Variants in DST observed in about 807,000 individuals in gnomAD.
DST encodes the protein dystonin, also known as bullous pemphigoid antigen.
DST carries 253 observed loss-of-function variants against 875.2 expected under a neutral mutation model. The ratio of observed to expected loss-of-function variants is 0.29; its 90% CI spans 0.26 to 0.32. DST has a LOEUF of 0.32. Ranked by LOEUF, DST falls within the 10% of genes least tolerant of loss-of-function variation. The pLI is 1.00. For synonymous variants in DST, 3,124 were observed against 3,197.1 expected, an observed-to-expected ratio of 0.98 and a Z score of 0.77; for missense variants, 8,287 against 9,111.6, an observed-to-expected ratio of 0.91 and a Z score of 3.68.
chr6:56,591,926 G>A (rs1426008664), intron 49 of DST, among the ~76,000 whole-genome samples: 4 of 143,416 alleles, frequency 2.8e-5, no homozygotes, highest in African/African-American at 1.1e-4. Flanking sequence ...CAGTTGCCGT[G>A]AGCTGAGATC....
rs776953508 is a variant in DST, at chr6:56,628,026, G to C, written c.4611C>G (p.Thr1537=). Residue 1537 remains threonine (T), a synonymous_variant, in exon 33 of 104, where the codon ACC becomes ACG. Transcript: ENST00000680361. ...TCTGTTGATTCAACTGTGTGGCTAG[G>C]GTTTTACTATTTTCAGGCTGATTTT... The part of the protein sequence containing the change: ...IQENQPENSK[T]LATQLNQQKM... 1.2e-6 allele frequency: 2 copies of C among 1,613,794 alleles called. No homozygotes were observed. The highest frequency in any genetic ancestry group is 1.7e-6 in the Non-Finnish European group (2 of 1,179,788).
intron 72 of DST, among the ~76,000 whole-genome samples, chr6:56,511,937 C>A (rs2096485882): frequency 6.6e-6 from 1 of 151,860 alleles, no homozygotes; most frequent in African/African-American, 2.4e-5. Context: ...GAGACAAAAC[C>A]TCAAGATAAG....
chr6:56,923,206 C>A (rs17450853), intron 2 of DST, among the ~76,000 whole-genome samples: 29,298 of 151,620 alleles, frequency 0.19, 3,011 homozygotes, highest in Middle Eastern at 0.26. Flanking sequence ...CAATAGGTAC[C>A]TCAAAAATTC....
chr6:56,542,406 A>G (rs1033674118), intron 61 of DST: 2 of 142,096 alleles, frequency 1.4e-5, no homozygotes, highest in Non-Finnish European at 3.0e-5. Flanking sequence ...AACAGAAAGC[A>G]TGGTGTACTA....
chr6:56,483,270 T>C (rs1031648345), intron 88 of DST, among the ~76,000 whole-genome samples: 4 of 152,326 alleles, frequency 2.6e-5, no homozygotes, highest in African/African-American at 9.6e-5. Context: ...CTAGTGTGAA[T>C]GTCAAGTGGA....
At chr6:56,731,279 A>C (rs2099496973) in intron 5 of DST, among the ~76,000 whole-genome samples, 1 of 152,202 alleles carries the variant, frequency 6.6e-6, no homozygotes, top group South Asian at 2.1e-4. Context: ...AGATTAAGAA[A>C]CAGGGTCACA....
At chr6:56,905,041 G>T (rs1795774262) in intron 2 of DST, among the ~76,000 whole-genome samples, 1 of 152,172 alleles carries the variant, frequency 6.6e-6, no homozygotes, top group Non-Finnish European at 1.5e-5. Flanking sequence ...GCCCACCTCG[G>T]CCTCCCAAAG....
intron 53 of DST, among the ~76,000 whole-genome samples, chr6:56,571,538 T>C (rs1032802662): frequency 6.6e-6 from 1 of 152,180 alleles, no homozygotes; most frequent in Non-Finnish European, 1.5e-5. Context: ...TAAACTAACG[T>C]GAGATCAGAA....
Position 56,618,252 on chromosome 6 carries a change from G to A in DST, c.4930-3768C>T, listed in dbSNP as rs773099840. On this transcript the variant is annotated intron_variant, in intron 36 of 103. Transcript: ENST00000680361. ...TCTTTGGGTATCTGTTCAACAACCC[G>A]ATGCTGCCACTTCTCTTCCAATGGC... 9.3e-6 allele frequency: 15 copies of A among 1,613,972 alleles called. No homozygotes were observed. Among genetic ancestry groups the A allele is most frequent in the African/African-American group, 5.3e-5 (4 of 74,896 alleles).
chr6:56,486,744 G>A (rs561189175), intron 87 of DST, among the ~76,000 whole-genome samples: 2 of 151,864 alleles, frequency 1.3e-5, no homozygotes, highest in South Asian at 4.2e-4. Context: ...GTGAAGGAGG[G>A]GAATGACAAG....
At chr6:56,725,804 C>T (rs2099453147) in intron 5 of DST, among the ~76,000 whole-genome samples, 1 of 152,130 alleles carries the variant, frequency 6.6e-6, no homozygotes, top group South Asian at 2.1e-4. Flanking sequence ...CTAAGAATGA[C>T]TTATGAAAGC....
rs2098475168 is a variant in DST, at chr6:56,604,376, A to G, written c.10252T>C (p.Ser3418Pro). The change falls in exon 40 of 104, where the codon TCC (serine) becomes CCC (proline). Residue 3418 changes from serine (S) to proline (P), a missense_variant. This residue lies in a region of DST where 3,138 missense variants were observed against 3,116.6 expected (regional missense o/e 1.01). Coordinates refer to ENST00000680361, the MANE Select transcript of DST (RefSeq NM_001374736.1). ...AGTTCTGATGAGTTAGTCATGGGGG[A>G]AACTCCAGAAGAGTCACTCATTTGA... ...DSQMSDSSGV[S>P]PMTNSSELKP... is the part of the protein sequence containing the mutation. 6.2e-7 allele frequency: 1 copy of G among 1,612,008 alleles called. No homozygotes were observed. Among genetic ancestry groups the G allele is most frequent in the Admixed American group, 1.7e-5 (1 of 59,736 alleles).
intron 2 of DST, among the ~76,000 whole-genome samples, chr6:56,940,038 T>G (rs745746187): frequency 2.0e-5 from 3 of 151,918 alleles, no homozygotes; most frequent in Admixed American, 2.0e-4. Flanking sequence ...AAAAAAAAAT[T>G]TTATATAAAT....
chr6:56,842,062 G>T (rs772523822), intron 4 of DST, among the ~76,000 whole-genome samples: 33 of 151,458 alleles, frequency 2.2e-4, no homozygotes, highest in Non-Finnish European at 2.5e-4. Flanking sequence ...TTGGGGCTTT[G>T]GAATTTTATT....
At chr6:56,871,269 A>G (rs1776961217) in intron 3 of DST, 1 of 779,438 alleles carries the variant, frequency 1.3e-6, no homozygotes, top group Admixed American at 1.7e-5. Flanking sequence ...TGTTCACTTT[A>G]AGAACACTCG....
intron 3 of DST, among the ~76,000 whole-genome samples, chr6:56,879,895 G>A (rs777249164): frequency 5.3e-5 from 8 of 152,212 alleles, no homozygotes; most frequent in Non-Finnish European, 1.2e-4. Context: ...GCCCCTCCAT[G>A]ATAGTGCTTA....
chr6:56,840,535 C>T (rs1174810779), intron 4 of DST, among the ~76,000 whole-genome samples: 1 of 152,054 alleles, frequency 6.6e-6, no homozygotes, highest in African/African-American at 2.4e-5. Flanking sequence ...TAACAGGACT[C>T]GAATATGAAT....
chr6:56,532,459 G>C lies in DST; in HGVS notation c.16993C>G (p.Arg5665Gly), dbSNP rs1028738405. The part of the protein sequence containing the change: ...DRKSTVEVIK[R>G]EGEKIATTAE... ...GTTGTAGCAATTTTTTCTCCTTCTC[G>C]TTTGATTACCTCCACCGTAGATTTT... The change falls in exon 64 of 104, where the codon CGA becomes GGA. Residue 5665 changes from arginine to glycine, a missense_variant. By Grantham distance (125) the Arg-to-Gly change is moderately radical. Coordinates refer to ENST00000680361, the MANE Select transcript of DST (RefSeq NM_001374736.1). 13 of 1,610,486 alleles carry C rather than the reference G, an allele frequency of 8.1e-6. No individual in the cohort carries two copies. Among genetic ancestry groups the C allele is most frequent in the Non-Finnish European group, 1.0e-5 (12 of 1,178,208 alleles).
At chr6:56,793,827 TAG>T (rs2099735244) in intron 4 of DST, among the ~76,000 whole-genome samples, 1 of 152,228 alleles carries the variant, frequency 6.6e-6, no homozygotes, top group South Asian at 2.1e-4. Flanking sequence ...CATTACATTA[TAG>T]AGTTTATATT....
Sources: allele counts gnomAD v4.1 joint callset (sites outside exome capture counted in the v4.1 genomes callset), GRCh38; gene constraint gnomAD v4.1.1; regional missense constraint gnomAD v4.1.1; transcripts MANE v1.5; gene names NCBI Gene and HGNC (gene_info 2026-07-23, HGNC 2026-07-21).